BCL2L13: variants seen among roughly 807,000 people sequenced by gnomAD.
BCL2L13 encodes bcl-2-like protein 13.
Under a neutral mutation model 25.8 loss-of-function variants are expected in BCL2L13, and 13 were observed. The observed-to-expected ratio is 0.50, with a 90% CI of 0.33 to 0.80. The LOEUF (loss-of-function observed/expected upper bound fraction) is 0.80, where lower values mean the gene tolerates loss of function less well. Among genes scored for constraint, BCL2L13 ranks in the 30% least tolerant of loss-of-function variants. The probability of loss-of-function intolerance (pLI) is 0.02; values close to 1 mark genes in which losing one functional copy is unlikely to be tolerated. For synonymous variants in BCL2L13, 244 were observed against 230.3 expected (o/e 1.06, Z -0.54); for missense variants, 504 against 574.9 (o/e 0.88, Z 1.26).
chr22:17,693,449 G>A (rs113228876), intron 4 of BCL2L13, among the ~76,000 whole-genome samples: 2 of 141,382 alleles, frequency 1.4e-5, no homozygotes, highest in South Asian at 2.3e-4. Context: ...GTGCAATCTC[G>A]GCTCACTACA....
Position 17,695,438 on chromosome 22 carries a change from T to C in BCL2L13, c.387-703T>C, listed in dbSNP as rs1372584216. On this transcript the variant is annotated intron_variant, in intron 4 of 6. Coordinates refer to ENST00000317582, the MANE Select transcript of BCL2L13 (RefSeq NM_015367.4). ...CCTGGTTCAAGCGATTCCCCTGCCTTAGCCTCCCGAGTTGCTGGGACTACA... is the reference window on the plus strand; with the variant it reads ...CCTGGTTCAAGCGATTCCCCTGCCTCAGCCTCCCGAGTTGCTGGGACTACA... 2.6e-5 allele frequency among the ~76,000 whole-genome samples: 4 copies of C among 152,178 alleles called. No individual in the cohort carries two copies. In the East Asian group the frequency reaches 5.8e-4, roughly 22 times the overall value.
At chr22:17,651,926 G>A (rs546512011) in intron 1 of BCL2L13, among the ~76,000 whole-genome samples, 2 of 151,930 alleles carry the variant, frequency 1.3e-5, no homozygotes, top group African/African-American at 4.8e-5. Context: ...TCCTGATTGC[G>A]TGATCCACCT....
At chr22:17,721,550 T>G (rs2008085) in intron 6 of BCL2L13, among the ~76,000 whole-genome samples, 47,161 of 127,806 alleles carry the variant, frequency 0.37, 8,876 homozygotes, top group African/African-American at 0.48. Context: ...TTTTGAGACG[T>G]AAGTCTTAAT....
chr22:17,635,748 C>T (rs887978823), upstream of BCL2L13, among the ~76,000 whole-genome samples: 5 of 151,626 alleles, frequency 3.3e-5, no homozygotes, highest in African/African-American at 1.2e-4. Context: ...CTCACTCTGT[C>T]GCCCAGGCTG....
chr22:17,709,815 C>T (rs947424652), intron 6 of BCL2L13, among the ~76,000 whole-genome samples: 11 of 152,036 alleles, frequency 7.2e-5, no homozygotes, highest in Non-Finnish European at 1.6e-4. Flanking sequence ...TGGCTCACTC[C>T]TGTAATCCCA....
chr22:17,637,758 A>C (rs887246579), upstream of BCL2L13, among the ~76,000 whole-genome samples: 16 of 152,068 alleles, frequency 1.1e-4, no homozygotes, highest in Non-Finnish European at 2.1e-4. Flanking sequence ...TCCTTTCCTC[A>C]GTCACTCGGG....
chr22:17,723,904 G>C (rs920551011), intron 6 of BCL2L13, among the ~76,000 whole-genome samples: 1 of 150,698 alleles, frequency 6.6e-6, no homozygotes, highest in African/African-American at 2.4e-5. Context: ...CTGCACTCCA[G>C]CCTGATGACA....
At chr22:17,670,380 T>TAA (rs2059378204) in intron 2 of BCL2L13, among the ~76,000 whole-genome samples, 1 of 151,034 alleles carries the variant, frequency 6.6e-6, no homozygotes, top group Non-Finnish European at 1.5e-5. Flanking sequence ...CAGCTTTTTT[T>TAA]TTTTTTTTTT....
chr22:17,638,177 C>A (rs868120417), upstream of BCL2L13: 1 of 152,726 alleles, frequency 6.5e-6, no homozygotes. Flanking sequence ...TAAGTATGTT[C>A]CAGGCGCTGT....
In BCL2L13 at chr22:17,655,802, C is replaced by T. The variant is rs138586535; in HGVS notation, c.91C>T (p.Leu31=). 8.6e-5 allele frequency: 139 copies of T among 1,613,542 alleles called. No individual in the cohort carries two copies. Among genetic ancestry groups the T allele is most frequent in the Admixed American group, 2.7e-4 (16 of 59,960 alleles). ...SYLGLLSQEK[L]QEQHLSSPQG... is the part of the protein sequence containing the mutation. ...CTTGGGACTCCTCTCTCAAGAGAAGCTGCAAGAGCAACATCTTTCCTCACC... is the reference window on the plus strand; with the variant it reads ...CTTGGGACTCCTCTCTCAAGAGAAGTTGCAAGAGCAACATCTTTCCTCACC... Residue 31 remains leucine, a synonymous_variant, in exon 2 of 7, where the codon CTG becomes TTG. Coordinates refer to ENST00000317582, the MANE Select transcript of BCL2L13 (RefSeq NM_015367.4).
chr22:17,722,378 G>GGTGTGTGTGT (rs71315401), intron 6 of BCL2L13, among the ~76,000 whole-genome samples: 42 of 122,138 alleles, frequency 3.4e-4, no homozygotes, highest in Admixed American at 6.0e-4. Context: ...AGACTACAGG[G>GGTGTGTGTGT]GTGTGTGTGT....
intron 4 of BCL2L13, among the ~76,000 whole-genome samples, chr22:17,691,518 T>C (rs540072517): frequency 2.4e-4 from 36 of 152,106 alleles, no homozygotes; most frequent in South Asian, 4.2e-4. Flanking sequence ...TGGTGGTGGG[T>C]GCCTGTAGTC....
chr22:17,670,562 T>C (rs562948015), intron 2 of BCL2L13, among the ~76,000 whole-genome samples: 1 of 151,940 alleles, frequency 6.6e-6, no homozygotes, highest in Non-Finnish European at 1.5e-5. Context: ...TTAGTAGAGA[T>C]GGGGTTTCTC....
intron 1 of BCL2L13, among the ~76,000 whole-genome samples, chr22:17,650,916 C>T (rs1047115636): frequency 6.6e-6 from 1 of 151,554 alleles, no homozygotes; most frequent in African/African-American, 2.4e-5. Flanking sequence ...TGGCCTCAAG[C>T]AGTCCTCTTG....
At chr22:17,694,277 G>A (rs1354455040) in intron 4 of BCL2L13, among the ~76,000 whole-genome samples, 1 of 152,148 alleles carries the variant, frequency 6.6e-6, no homozygotes, top group Non-Finnish European at 1.5e-5. Context: ...ACAAATGAGT[G>A]AGTGTTGTTA....
rs764654153 is a variant in BCL2L13, at chr22:17,727,433, C to T, written c.1357C>T (p.Pro453Ser). ...CCCCGCCGGTGAGATGAAGCCCATG[C>T]CGCTGTCTGAGGGCAAGTCTATACT... ...LSPAGEMKPM[P>S]LSEGKSILLF... is the part of the protein sequence containing the mutation. The change falls in exon 7 of 7, where the codon CCG becomes TCG. Residue 453 changes from proline (P) to serine (S), a missense_variant. Transcript: ENST00000317582. 5 of 1,614,100 alleles carry T rather than the reference C, an allele frequency of 3.1e-6. No homozygotes were observed. The highest frequency in any genetic ancestry group is 2.7e-5 in the African/African-American group (2 of 74,930).
chr22:17,679,963 A>C (rs1326325468), intron 2 of BCL2L13, among the ~76,000 whole-genome samples: 1 of 152,044 alleles, frequency 6.6e-6, no homozygotes, highest in Non-Finnish European at 1.5e-5. Flanking sequence ...CTGTAATCCC[A>C]GCACTTTGGG....
At chr22:17,684,838 T>C (rs370722230) in intron 3 of BCL2L13, 8 of 326,808 alleles carry the variant, frequency 2.4e-5, no homozygotes, top group African/African-American at 1.6e-4. Flanking sequence ...GTTCAGGCCA[T>C]TCTCCTGCCT....
chr22:17,709,039 T>C (rs2060666394), intron 6 of BCL2L13, among the ~76,000 whole-genome samples: 3 of 150,840 alleles, frequency 2.0e-5, no homozygotes, highest in Non-Finnish European at 4.4e-5. Context: ...ATCGAGACCA[T>C]CCTGACTAAC....
Sources: gnomAD v4.1 joint callset for allele counts (sites outside exome capture counted in the v4.1 genomes callset) on GRCh38, gnomAD v4.1.1 for gene constraint, MANE v1.5 for transcripts, NCBI Gene and HGNC (gene_info 2026-07-23, HGNC 2026-07-21) for gene names.